Variants in SLC44A3 observed in about 807,000 individuals in gnomAD.
SLC44A3 encodes the protein solute carrier family 44 member 3, also known as choline transporter-like protein 3.
In SLC44A3, 74 loss-of-function variants were observed where a neutral mutation model predicts 75.4. The observed-to-expected ratio is 0.98, with a 90% CI of 0.81 to 1.19. The LOEUF is 1.19. Ranked by LOEUF, SLC44A3 falls within the 50% of genes most tolerant of loss-of-function variation. The probability of loss-of-function intolerance (pLI) is 0.00; values close to 1 mark genes in which losing one functional copy is unlikely to be tolerated. For synonymous variants in SLC44A3, 310 were observed against 296.9 expected (o/e 1.04, Z -0.45); for missense variants, 700 against 778.6 (o/e 0.90, Z 1.20).
intron 9 of SLC44A3, among the ~76,000 whole-genome samples, chr1:94,856,356 C>T (rs893171775): frequency 5.3e-5 from 8 of 152,056 alleles, no homozygotes; most frequent in Admixed American, 5.2e-4. Context: ...CTCCAGGAAG[C>T]CAAATAACTT....
chr1:94,850,109 G>A (rs1332498229), intron 9 of SLC44A3, among the ~76,000 whole-genome samples: 1 of 152,024 alleles, frequency 6.6e-6, no homozygotes, highest in Non-Finnish European at 1.5e-5. Flanking sequence ...GTGAACTTGG[G>A]TTGATCATTT....
At chr1:94,873,967 G>C (rs1450197791) in intron 12 of SLC44A3, among the ~76,000 whole-genome samples, 1 of 152,202 alleles carries the variant, frequency 6.6e-6, no homozygotes, top group Non-Finnish European at 1.5e-5. Flanking sequence ...CGGTGGTTCT[G>C]AATCCTCCAC....
At chr1:94,880,038 T>C (rs1322362960) in intron 12 of SLC44A3, among the ~76,000 whole-genome samples, 1 of 152,116 alleles carries the variant, frequency 6.6e-6, no homozygotes, top group African/African-American at 2.4e-5. Context: ...GGTGAGGATG[T>C]GGAAAAGTTG....
chr1:94,857,644 G>C (rs760089277), intron 10 of SLC44A3, 144 bp downstream of exon 10: 8 of 787,532 alleles, frequency 1.0e-5, no homozygotes, highest in Non-Finnish European at 1.5e-5. Context: ...TAAAATTTGG[G>C]CTGTATTCTC....
intron 12 of SLC44A3, among the ~76,000 whole-genome samples, chr1:94,881,438 C>T (rs1448317294): frequency 6.6e-6 from 1 of 152,238 alleles, no homozygotes; most frequent in Non-Finnish European, 1.5e-5. Flanking sequence ...GGCGCGGTGG[C>T]TGATGCCTGT....
chr1:94,827,722 ACT>A (rs1661562584), intron 4 of SLC44A3, 79 bp downstream of exon 4: 2 of 1,493,600 alleles, frequency 1.3e-6, no homozygotes, highest in African/African-American at 1.4e-5. Flanking sequence ...ATTTACCCTG[ACT>A]CTGCTTTCTC....
chr1:94,866,698 A>G (rs1667205427), intron 11 of SLC44A3, among the ~76,000 whole-genome samples: 1 of 152,170 alleles, frequency 6.6e-6, no homozygotes, highest in Admixed American at 6.5e-5. Context: ...GATTGTTTTC[A>G]GGGATGTGTT....
intron 11 of SLC44A3, 24 bp from the exon 12 acceptor site, chr1:94,867,307 T>C: frequency 6.5e-7 from 1 of 1,531,706 alleles, no homozygotes; most frequent in Non-Finnish European, 8.8e-7. Context: ...TTGACTCTGT[T>C]CCTTTGTTCT....
chr1:94,872,391 C>T (rs1426998225), intron 12 of SLC44A3, among the ~76,000 whole-genome samples: 2 of 151,930 alleles, frequency 1.3e-5, no homozygotes, highest in South Asian at 2.1e-4. Context: ...CCACCGTGCC[C>T]GGCCTTTTGT....
At chr1:94,824,728 C>G in intron 3 of SLC44A3, 93 bp downstream of exon 3, 5 of 1,419,732 alleles carry the variant, frequency 3.5e-6, no homozygotes, top group Non-Finnish European at 4.7e-6. Context: ...TTTTCCCATT[C>G]AAAACTCTGT....
At chr1:94,889,735 C>T (rs868385944) in intron 12 of SLC44A3, among the ~76,000 whole-genome samples, 15 of 151,858 alleles carry the variant, frequency 9.9e-5, no homozygotes, top group Non-Finnish European at 7.4e-5. Flanking sequence ...CCAGAATATG[C>T]GTTAAAAATT....
chr1:94,843,574 G>A (rs1044029366), intron 8 of SLC44A3: 15 of 152,014 alleles, frequency 9.9e-5, no homozygotes, highest in African/African-American at 3.6e-4. Flanking sequence ...GACTGTTGAC[G>A]GCAGAAACGC....
chr1:94,824,377 A>G, intron 2 of SLC44A3, 116 bp from the exon 3 acceptor site: 1 of 1,280,598 alleles, frequency 7.8e-7, no homozygotes, highest in Non-Finnish European at 1.0e-6. Context: ...AAGCGCTATG[A>G]TGCTGGAGAG....
rs547970996 is a variant in SLC44A3 at position 94,868,463 on chromosome 1, G to A, written c.1482+1046G>A. Among the ~76,000 whole-genome samples, 5 of 152,240 alleles carry A rather than the reference G, an allele frequency of 3.3e-5. No individual in the cohort carries two copies. In the South Asian group the frequency reaches 1.0e-3, roughly 32 times the overall value. On this transcript the variant is annotated intron_variant, in intron 12 of 14. Transcript: ENST00000271227. ...GCTCTTAAACTTGGAGAACATTTTA[G>A]AGTATATTTAGTTTTCATTTGGATT... is the stretch of plus-strand genomic sequence containing the variant.
At chr1:94,856,298 A>G (rs1665867777) in intron 9 of SLC44A3, among the ~76,000 whole-genome samples, 1 of 152,202 alleles carries the variant, frequency 6.6e-6, no homozygotes, top group South Asian at 2.1e-4. Flanking sequence ...GGTATTCTAG[A>G]TAAGGAATCT....
chr1:94,894,905 C>A lies in SLC44A3; in HGVS notation c.1945C>A (p.Gln649Lys). 6.2e-7 allele frequency: 1 copy of A among 1,610,958 alleles called. No individual in the cohort carries two copies. The highest frequency in any genetic ancestry group is 2.2e-5 in the East Asian group (1 of 44,638). ...SLRNEEGTEL[Q>K]AIVR ...AAGGAATGAGGAGGGAACAGAACTC[C>A]AGGCCATTGTGAGATAGATACCCAT... The change falls in exon 15 of 15, where the codon CAG (glutamine) becomes AAG (lysine). Residue 649 changes from glutamine to lysine, a missense_variant. Gln to Lys is a moderately conservative substitution (Grantham distance 53). Coordinates refer to ENST00000271227, the MANE Select transcript of SLC44A3 (RefSeq NM_001114106.3).
intron 5 of SLC44A3, among the ~76,000 whole-genome samples, chr1:94,832,534 G>A (rs6671906): frequency 0.15 from 23,360 of 152,050 alleles, 1,885 homozygotes; most frequent in South Asian, 0.21. Context: ...GTCTTTCTCT[G>A]TCTCTTTAAA....
chr1:94,842,296 GA>G (rs1376710431), intron 8 of SLC44A3, among the ~76,000 whole-genome samples, 172 bp downstream of exon 8: 7 of 152,038 alleles, frequency 4.6e-5, no homozygotes, highest in Non-Finnish European at 1.0e-4. Flanking sequence ...TCAAAAATAA[GA>G]AAAAAAGGTT....
intron 5 of SLC44A3, among the ~76,000 whole-genome samples, chr1:94,830,751 TG>T (rs1348338324): frequency 6.6e-6 from 1 of 152,212 alleles, no homozygotes; most frequent in Non-Finnish European, 1.5e-5. Context: ...TGAAAGAGAA[TG>T]GAATTTTTAA....
Sources: allele counts gnomAD v4.1 joint callset (sites outside exome capture counted in the v4.1 genomes callset), GRCh38; gene constraint gnomAD v4.1.1; transcripts MANE v1.5; gene names NCBI Gene and HGNC (gene_info 2026-07-23, HGNC 2026-07-21).